MDGA2: variants seen among roughly 807,000 people sequenced by gnomAD.
The protein encoded by MDGA2 is MAM domain containing glycosylphosphatidylinositol anchor 2, also known as MAM domain-containing glycosylphosphatidylinositol anchor protein 2.
A neutral mutation model predicts 117.8 loss-of-function variants in MDGA2; 40 were observed. The observed-to-expected ratio is 0.34, with a 90% CI of 0.26 to 0.44. MDGA2 has a LOEUF of 0.44. MDGA2 is among the 20% of genes least tolerant of loss of function. MDGA2 has a pLI of 1.00. For synonymous variants in MDGA2, 452 were observed against 439.0 expected (o/e 1.03, Z -0.37); for missense variants, 1,123 against 1,250.6 (o/e 0.90, Z 1.54).
intron 5 of MDGA2, among the ~76,000 whole-genome samples, chr14:47,125,818 T>A (rs1881873200): frequency 6.6e-6 from 1 of 152,022 alleles, no homozygotes; most frequent in Admixed American, 6.6e-5. Context: ...CCCTTTTTTA[T>A]ACACTTCATC....
At position 46,951,527 on chromosome 14, in the gene MDGA2, T is replaced by C. The variant is rs1885370081; in HGVS notation, c.2089+5847A>G. ...TGGAGCTAGAGATTCTTCTTGTGGG[T>C]TTGAAATAAGTAGTCACTTTTGAGA... On this transcript the variant is annotated intron_variant, in intron 9 of 16. Transcript: ENST00000399232. Among the ~76,000 whole-genome samples, 4 of 152,076 alleles carry C rather than the reference T, an allele frequency of 2.6e-5. No homozygotes were observed. In the South Asian group the frequency reaches 8.3e-4, roughly 32 times the overall value.
chr14:47,171,839 G>C (rs145920267), intron 3 of MDGA2, among the ~76,000 whole-genome samples: 1 of 152,174 alleles, frequency 6.6e-6, no homozygotes, highest in Non-Finnish European at 1.5e-5. Context: ...GAAGCAGGGC[G>C]AGGCATTGCC....
chr14:46,994,333 A>G (rs1594506326), intron 8 of MDGA2, among the ~76,000 whole-genome samples: 1 of 152,096 alleles, frequency 6.6e-6, no homozygotes, highest in South Asian at 2.1e-4. Flanking sequence ...GTTGCTTTCA[A>G]TGAATTCTGA....
intron 3 of MDGA2, among the ~76,000 whole-genome samples, chr14:47,203,601 A>T (rs1441114188): frequency 1.3e-5 from 2 of 151,946 alleles, no homozygotes; most frequent in Non-Finnish European, 2.9e-5. Flanking sequence ...AAATGGCACC[A>T]TGCTTTATGA....
chr14:47,340,894 T>C (rs1039959177), intron 1 of MDGA2, among the ~76,000 whole-genome samples: 3 of 152,178 alleles, frequency 2.0e-5, no homozygotes, highest in Non-Finnish European at 4.4e-5. Context: ...CAAGATCCAA[T>C]GTCATAAAAT....
Position 47,674,517 on chromosome 14 carries a change from C to G in MDGA2, c.280G>C (p.Ala94Pro). The change falls in exon 1 of 17, where the codon GCT becomes CCT. Residue 94 changes from alanine (A) to proline (P), a missense_variant and splice_region_variant. This residue lies in a region of MDGA2 where 233 missense variants were observed against 200.3 expected (regional missense o/e 1.16). Coordinates refer to ENST00000399232, the MANE Select transcript of MDGA2 (RefSeq NM_001113498.3). ...ACGATAGCGTCGCGATTCCACTCAC[C>G]GTACACTCCTTGGCCAGAGATCCCC... The part of the protein sequence containing the change: ...LEGISGQGVY[A>P]PPTVRIVHSG... 1 of 1,550,294 alleles carries G rather than the reference C, an allele frequency of 6.5e-7. No individual in the cohort carries two copies. The highest frequency in any genetic ancestry group is 8.7e-7 in the Non-Finnish European group (1 of 1,146,342).
At chr14:47,236,290 C>CA (rs5808383) in intron 2 of MDGA2, among the ~76,000 whole-genome samples, 1,812 of 66,938 alleles carry the variant, frequency 0.027, 41 homozygotes, top group Middle Eastern at 0.05. Flanking sequence ...GACTCCGCCT[C>CA]AAAAAAAAAA....
intron 1 of MDGA2, among the ~76,000 whole-genome samples, chr14:47,425,272 C>T (rs1324235884): frequency 6.6e-6 from 1 of 152,152 alleles, no homozygotes; most frequent in African/African-American, 2.4e-5. Flanking sequence ...ATTTTTAGCA[C>T]TATCTGGTAA....
intron 1 of MDGA2, among the ~76,000 whole-genome samples, chr14:47,645,644 T>C (rs139252157): frequency 0.016 from 2,500 of 152,196 alleles, 40 homozygotes; most frequent in Middle Eastern, 0.041. Context: ...GACTGTTTCA[T>C]TATTATACAT....
chr14:47,282,164 A>C (rs1888514295), intron 2 of MDGA2, among the ~76,000 whole-genome samples: 1 of 152,176 alleles, frequency 6.6e-6, no homozygotes, highest in Non-Finnish European at 1.5e-5. Context: ...TTTCTGAAAA[A>C]CGAATATATG....
intron 2 of MDGA2, among the ~76,000 whole-genome samples, chr14:47,264,663 T>G (rs1887906032): frequency 6.6e-6 from 1 of 152,112 alleles, no homozygotes; most frequent in African/African-American, 2.4e-5. Context: ...CTTTAAAAAT[T>G]TTATGATTTT....
chr14:47,134,736 GCAATTACATATTTATGTGTGTATATATA>G (rs1482919842), intron 4 of MDGA2, among the ~76,000 whole-genome samples: 2 of 150,386 alleles, frequency 1.3e-5, no homozygotes, highest in African/African-American at 2.4e-5. Flanking sequence ...TATAATACAT[GCAATTACATATTTATGTGTGTATATATA>G]CACACACACA....
intron 3 of MDGA2, among the ~76,000 whole-genome samples, chr14:47,172,289 G>C (rs1016561186): frequency 6.6e-6 from 1 of 152,174 alleles, no homozygotes; most frequent in South Asian, 2.1e-4. Flanking sequence ...GCTTTGAAGA[G>C]AGCAGTGGTT....
chr14:47,473,990 C>G (rs1163638478), intron 1 of MDGA2, among the ~76,000 whole-genome samples: 1 of 151,930 alleles, frequency 6.6e-6, no homozygotes, highest in Non-Finnish European at 1.5e-5. Context: ...GGGCAGTTAG[C>G]CAAGAGAAAT....
chr14:46,885,733 T>G (rs904686456), intron 10 of MDGA2, among the ~76,000 whole-genome samples: 4 of 148,824 alleles, frequency 2.7e-5, no homozygotes, highest in Admixed American at 1.3e-4. Flanking sequence ...TCAGAGAAAA[T>G]GACTCATGAC....
At chr14:47,298,045 G>GTA (rs1889138995) in intron 2 of MDGA2, among the ~76,000 whole-genome samples, 1 of 151,956 alleles carries the variant, frequency 6.6e-6, no homozygotes, top group Non-Finnish European at 1.5e-5. Context: ...ATATATGTGT[G>GTA]TATATATATC....
chr14:47,634,358 A>C (rs1347360367), intron 1 of MDGA2, among the ~76,000 whole-genome samples: 1 of 152,114 alleles, frequency 6.6e-6, no homozygotes, highest in Non-Finnish European at 1.5e-5. Context: ...TATGTAAAAA[A>C]TTATATAATC....
intron 1 of MDGA2, among the ~76,000 whole-genome samples, chr14:47,644,371 G>A (rs1289365383): frequency 2.6e-5 from 4 of 152,072 alleles, no homozygotes; most frequent in Non-Finnish European, 4.4e-5. Context: ...TATACAAAAT[G>A]GAATCTTAAT....
At chr14:47,239,499 G>A (rs1326482238) in intron 2 of MDGA2, among the ~76,000 whole-genome samples, 2 of 151,798 alleles carry the variant, frequency 1.3e-5, no homozygotes, top group Non-Finnish European at 2.9e-5. Flanking sequence ...TCAATTTGAT[G>A]TGAAACATAA....
Sources: gnomAD v4.1 joint callset for allele counts (sites outside exome capture counted in the v4.1 genomes callset) on GRCh38, gnomAD v4.1.1 for gene constraint, gnomAD v4.1.1 regional missense constraint, MANE v1.5 for transcripts, NCBI Gene and HGNC (gene_info 2026-07-23, HGNC 2026-07-21) for gene names.